Variants in WWOX observed in about 807,000 individuals in gnomAD.
WWOX encodes the protein WW domain containing oxidoreductase.
A neutral mutation model predicts 46.2 loss-of-function variants in WWOX; 69 were observed. That is an observed-to-expected ratio of 1.49 (90% confidence interval 1.23 to 1.82). The LOEUF (loss-of-function observed/expected upper bound fraction) is 1.82, where lower values mean the gene tolerates loss of function less well. Ranked by LOEUF, WWOX falls within the 40% of genes most tolerant of loss-of-function variation. The pLI is 0.00. For missense variants in WWOX, 919 were observed against 542.6 expected, an observed-to-expected ratio of 1.69 and a Z score of -6.89; for synonymous variants, 359 against 202.6, an observed-to-expected ratio of 1.77 and a Z score of -6.56.
chr16:78,868,958 T>C (rs750613249), intron 8 of WWOX, among the ~76,000 whole-genome samples: 1 of 152,002 alleles, frequency 6.6e-6, no homozygotes, highest in Non-Finnish European at 1.5e-5. Flanking sequence ...TACACACCCA[T>C]GTACACACAG....
intron 5 of WWOX, among the ~76,000 whole-genome samples, chr16:78,386,353 C>T (rs1440098067): frequency 6.6e-6 from 1 of 152,146 alleles, no homozygotes; most frequent in Non-Finnish European, 1.5e-5. Flanking sequence ...CGAGGTCCGT[C>T]AGAATCCATT....
At chr16:78,872,700 A>G (rs1202370168) in intron 8 of WWOX, 1 of 146,458 alleles carries the variant, frequency 6.8e-6, no homozygotes, top group Non-Finnish European at 1.5e-5. Flanking sequence ...GTCCCCAACC[A>G]CTCCCTGCGT....
chr16:78,983,939 G>A lies in WWOX; in HGVS notation c.1057-227669G>A, dbSNP rs1437213713. Among the ~76,000 whole-genome samples the A allele has an allele frequency of 8.4e-5, 12 of 142,314 alleles. No homozygotes were observed. In the South Asian group the frequency reaches 2.0e-3, roughly 24 times the overall value. 93.4% of individuals were successfully genotyped at this position (142,314 alleles called of 152,430 possible). A position where few individuals can be genotyped will look rare whatever the true frequency, so the allele number is the denominator to read the frequency against. ...GTTACCCAGGCTGGAGTGCAGTGGC[G>A]CAGTCTCAGCTGACTGCAAGCTCTG... On this transcript the variant is annotated intron_variant, in intron 8 of 8. Transcript: ENST00000566780.
intron 8 of WWOX, among the ~76,000 whole-genome samples, chr16:78,716,220 G>C (rs2048557639): frequency 2.6e-5 from 4 of 151,988 alleles, no homozygotes; most frequent in Admixed American, 2.6e-4. Flanking sequence ...TAGAGGCAGA[G>C]GCAGAGATTG....
intron 6 of WWOX, among the ~76,000 whole-genome samples, chr16:78,399,422 C>A (rs2082361874): frequency 6.6e-6 from 1 of 152,148 alleles, no homozygotes; most frequent in African/African-American, 2.4e-5. Context: ...TACAAGGAAT[C>A]TATGAACCTT....
chr16:78,609,799 T>G (rs562865189), intron 8 of WWOX, among the ~76,000 whole-genome samples: 1 of 152,220 alleles, frequency 6.6e-6, no homozygotes, highest in Non-Finnish European at 1.5e-5. Flanking sequence ...TGAAAATATT[T>G]TTTCCAAAGC....
At chr16:78,362,100 C>G (rs11642404) in intron 5 of WWOX, among the ~76,000 whole-genome samples, 78,941 of 151,402 alleles carry the variant, frequency 0.52, 22,157 homozygotes, top group Non-Finnish European at 0.64. Context: ...CTACATTCTT[C>G]CTCACTCCCC....
intron 8 of WWOX, among the ~76,000 whole-genome samples, chr16:78,575,724 C>T (rs1302315606): frequency 1.3e-5 from 2 of 152,150 alleles, no homozygotes; most frequent in East Asian, 1.9e-4. Context: ...TTATTTTTAG[C>T]ACTATGAAGA....
At chr16:78,998,945 C>G (rs1383789528) in intron 8 of WWOX, among the ~76,000 whole-genome samples, 1 of 152,214 alleles carries the variant, frequency 6.6e-6, no homozygotes, top group Non-Finnish European at 1.5e-5. Context: ...AGCAACCAAA[C>G]TTGCAGGATG....
intron 5 of WWOX, among the ~76,000 whole-genome samples, chr16:78,375,553 G>A (rs144659024): frequency 2.0e-5 from 3 of 152,312 alleles, no homozygotes; most frequent in East Asian, 1.9e-4. Context: ...TACGATAAAT[G>A]TCAGTGTGAA....
At chr16:78,969,324 C>T (rs1179770736) in intron 8 of WWOX, among the ~76,000 whole-genome samples, 2 of 150,678 alleles carry the variant, frequency 1.3e-5, no homozygotes, top group Admixed American at 1.3e-4. Flanking sequence ...GGCTGGAATA[C>T]AATGGTGCTA....
intron 8 of WWOX, among the ~76,000 whole-genome samples, chr16:79,036,283 A>T (rs1440080432): frequency 6.6e-6 from 1 of 152,178 alleles, no homozygotes; most frequent in East Asian, 1.9e-4. Context: ...CCCACCAGAT[A>T]ATGCCCATCA....
At chr16:78,573,901 AG>A (rs2044781828) in intron 8 of WWOX, among the ~76,000 whole-genome samples, 1 of 152,240 alleles carries the variant, frequency 6.6e-6, no homozygotes, top group African/African-American at 2.4e-5. Flanking sequence ...TCTGTGGATC[AG>A]GAATCTGAGT....
At chr16:78,735,844 T>G (rs2049079094) in intron 8 of WWOX, among the ~76,000 whole-genome samples, 1 of 114,072 alleles carries the variant, frequency 8.8e-6, no homozygotes. Context: ...CTCCACACCT[T>G]TCTGCTCTCT....
chr16:79,185,944 C>CTG (rs201447855), intron 8 of WWOX, among the ~76,000 whole-genome samples: 9,148 of 148,970 alleles, frequency 0.061, 339 homozygotes, highest in Non-Finnish European at 0.08. Context: ...GATGCCATGT[C>CTG]TGTGTGTGTG....
intron 6 of WWOX, among the ~76,000 whole-genome samples, chr16:78,395,656 T>G (rs2151940517): frequency 6.6e-6 from 1 of 152,286 alleles, no homozygotes; most frequent in East Asian, 1.9e-4. Flanking sequence ...AGCTCTAGGG[T>G]GACAAGAGCC....
chr16:78,575,080 T>A lies in WWOX; in HGVS notation c.1056+142328T>A, dbSNP rs1305090859. Among the ~76,000 whole-genome samples the A allele has an allele frequency of 5.6e-4, 22 of 39,450 alleles. 1 individual carries two copies. Among genetic ancestry groups the A allele is most frequent in the Admixed American group, 1.0e-3 (2 of 1,980 alleles). 25.9% of individuals were successfully genotyped at this position (39,450 alleles called of 152,430 possible). A position where few individuals can be genotyped will look rare whatever the true frequency, so the allele number is the denominator to read the frequency against. ...ATATATATATATATATATATATATA[T>A]ATATATATATATATATTTAAAGCTG... On this transcript the variant is annotated intron_variant, in intron 8 of 8. Coordinates refer to ENST00000566780, the MANE Select transcript of WWOX (RefSeq NM_016373.4).
intron 8 of WWOX, among the ~76,000 whole-genome samples, chr16:78,612,935 T>C (rs2045934160): frequency 6.6e-6 from 1 of 152,244 alleles, no homozygotes; most frequent in Non-Finnish European, 1.5e-5. Flanking sequence ...CTCATTTTTT[T>C]CCAGATGCTC....
intron 5 of WWOX, among the ~76,000 whole-genome samples, chr16:78,262,412 G>C (rs891089323): frequency 6.6e-6 from 1 of 152,098 alleles, no homozygotes; most frequent in Non-Finnish European, 1.5e-5. Flanking sequence ...AGTCTGTTTG[G>C]AGCAATCTCT....
Sources: gnomAD v4.1 joint callset for allele counts (sites outside exome capture counted in the v4.1 genomes callset) on GRCh38, gnomAD v4.1.1 for gene constraint, MANE v1.5 for transcripts, NCBI Gene and HGNC (gene_info 2026-07-23, HGNC 2026-07-21) for gene names.